Variants in FHOD3 observed in about 807,000 individuals in gnomAD.
FHOD3 encodes the protein FH1/FH2 domain-containing protein 3.
In FHOD3, 90 loss-of-function variants were observed where a neutral mutation model predicts 173.0. The ratio of observed to expected loss-of-function variants is 0.52; its 90% CI spans 0.44 to 0.62. The LOEUF (loss-of-function observed/expected upper bound fraction) is 0.62, where lower values mean the gene tolerates loss of function less well. Among genes scored for constraint, FHOD3 ranks in the 20% least tolerant of loss-of-function variants. The pLI is 0.00. For synonymous variants in FHOD3, 828 were observed against 823.0 expected (o/e 1.01, Z -0.10); for missense variants, 1,945 against 2,034.7 (o/e 0.96, Z 0.85).
chr18:36,690,787 T>G (rs972027068), intron 16 of FHOD3, among the ~76,000 whole-genome samples: 7 of 152,206 alleles, frequency 4.6e-5, no homozygotes, highest in African/African-American at 1.7e-4. Context: ...TTGACCATCT[T>G]AACCATTTTA....
At chr18:36,763,433 T>A (rs777803631) in intron 27 of FHOD3, among the ~76,000 whole-genome samples, 6 of 148,078 alleles carry the variant, frequency 4.1e-5, no homozygotes, top group Non-Finnish European at 7.4e-5. Flanking sequence ...ATGCGTATTA[T>A]ACACGTTATA....
chr18:36,628,061 T>C (rs539924272), intron 10 of FHOD3, among the ~76,000 whole-genome samples: 5 of 152,286 alleles, frequency 3.3e-5, no homozygotes, highest in Admixed American at 2.6e-4. Flanking sequence ...TGCCAACTTT[T>C]GTAAAGAAGG....
intron 13 of FHOD3, among the ~76,000 whole-genome samples, chr18:36,654,617 T>C (rs2036286583): frequency 6.6e-6 from 1 of 152,194 alleles, no homozygotes; most frequent in African/African-American, 2.4e-5. Context: ...AGCGAGCTCA[T>C]ACGCATCCCT....
chr18:36,450,589 C>A (rs546976606), intron 3 of FHOD3, among the ~76,000 whole-genome samples: 3 of 151,604 alleles, frequency 2.0e-5, no homozygotes, highest in Non-Finnish European at 2.9e-5. Context: ...GCCAGGAGTT[C>A]GAGACCAGCC....
At chr18:36,708,985 C>T in intron 17 of FHOD3, 110 bp from the exon 18 acceptor site, 1 of 1,347,272 alleles carries the variant, frequency 7.4e-7, no homozygotes, top group African/African-American at 1.5e-5. Flanking sequence ...TGGGGGCCAT[C>T]TTTGGACATC....
chr18:36,428,040 C>T (rs2050343305), intron 3 of FHOD3, among the ~76,000 whole-genome samples: 1 of 152,092 alleles, frequency 6.6e-6, no homozygotes, highest in South Asian at 2.1e-4. Flanking sequence ...CCTGACTTTC[C>T]ACATTCTAGG....
chr18:36,565,633 A>AC (rs1179713880), intron 5 of FHOD3, among the ~76,000 whole-genome samples: 8 of 151,364 alleles, frequency 5.3e-5, no homozygotes, highest in Admixed American at 4.6e-4. Flanking sequence ...CCATTCATTT[A>AC]TTTTTTTTTC....
intron 24 of FHOD3, among the ~76,000 whole-genome samples, chr18:36,751,685 A>C (rs751698672): frequency 1.3e-5 from 2 of 152,160 alleles, no homozygotes; most frequent in Non-Finnish European, 2.9e-5. Flanking sequence ...TTTAACATGA[A>C]GGGTGTTGAA....
chr18:36,491,987 G>T (rs577497334), intron 3 of FHOD3, among the ~76,000 whole-genome samples: 9 of 152,060 alleles, frequency 5.9e-5, no homozygotes, highest in Non-Finnish European at 1.2e-4. Flanking sequence ...GGTAGAGTAG[G>T]GCTATGTATT....
intron 13 of FHOD3, among the ~76,000 whole-genome samples, chr18:36,654,904 A>G (rs570460352): frequency 6.6e-6 from 1 of 152,336 alleles, no homozygotes; most frequent in Admixed American, 6.5e-5. Flanking sequence ...GCTGGAAAGG[A>G]CTGGGAGACC....
chr18:36,473,157 G>A (rs930635084), intron 3 of FHOD3, among the ~76,000 whole-genome samples: 17 of 152,208 alleles, frequency 1.1e-4, no homozygotes, highest in Admixed American at 3.9e-4. Context: ...CCACCTGTCC[G>A]TAATCCCAGC....
intron 3 of FHOD3, among the ~76,000 whole-genome samples, chr18:36,469,885 T>G (rs1381239983): frequency 6.6e-6 from 1 of 152,214 alleles, no homozygotes; most frequent in Non-Finnish European, 1.5e-5. Flanking sequence ...AGCATTATTA[T>G]TTCCACAAAT....
At chr18:36,492,868 G>A (rs1240630631) in intron 3 of FHOD3, among the ~76,000 whole-genome samples, 2 of 152,186 alleles carry the variant, frequency 1.3e-5, no homozygotes, top group South Asian at 2.1e-4. Context: ...GAATTTACAC[G>A]GTGGCATAAA....
chr18:36,475,712 G>A (rs370673624), intron 3 of FHOD3, among the ~76,000 whole-genome samples: 1 of 150,302 alleles, frequency 6.7e-6, no homozygotes, highest in East Asian at 2.0e-4. Context: ...ATCTATAGAG[G>A]TGGGATTACA....
intron 3 of FHOD3, among the ~76,000 whole-genome samples, chr18:36,379,333 C>T (rs1033808056): frequency 6.6e-6 from 1 of 152,192 alleles, no homozygotes; most frequent in African/African-American, 2.4e-5. Context: ...CTCAGGGTCT[C>T]TTACGACAGC....
At chr18:36,689,059 C>T (rs1181623191) in intron 16 of FHOD3, among the ~76,000 whole-genome samples, 1 of 152,164 alleles carries the variant, frequency 6.6e-6, no homozygotes, top group East Asian at 1.9e-4. Flanking sequence ...TCTAGGGAAG[C>T]AGGCACGCAT....
At chr18:36,406,736 G>T (rs1376911174) in intron 3 of FHOD3, among the ~76,000 whole-genome samples, 1 of 152,186 alleles carries the variant, frequency 6.6e-6, no homozygotes, top group Non-Finnish European at 1.5e-5. Flanking sequence ...GGCAGCTTGA[G>T]TCAGAACAGT....
chr18:36,437,682 T>TTTTTTTTTTTTTTTTA lies in FHOD3; in HGVS notation c.338-64250_338-64249insTTTTTTTTTTTTTTTA, dbSNP rs71168224. Among the ~76,000 whole-genome samples the TTTTTTTTTTTTTTTTA allele has an allele frequency of 5.8e-4, 75 of 129,642 alleles. 2 individuals carry two copies. Among genetic ancestry groups the TTTTTTTTTTTTTTTTA allele is most frequent in the Non-Finnish European group, 9.7e-4 (59 of 60,610 alleles). The allele number at this position is 129,642 out of a possible 152,430, so 85.1% of individuals were successfully genotyped here. A position where few individuals can be genotyped will look rare whatever the true frequency, so the allele number is the denominator to read the frequency against. On this transcript the variant is annotated intron_variant, in intron 3 of 28. Transcript: ENST00000590592. ...CTTTCTTTCTTTTTTTTTTTTTTTT[T>TTTTTTTTTTTTTTTTA]AAGACAGAGTCTTGCTCTGTCGCCA...
chr18:36,750,429 A>G (rs1273743979), intron 24 of FHOD3, among the ~76,000 whole-genome samples: 1 of 152,142 alleles, frequency 6.6e-6, no homozygotes, highest in Non-Finnish European at 1.5e-5. Flanking sequence ...CGCCCACTCT[A>G]TAGGTTATCT....
Sources: gnomAD v4.1 joint callset for allele counts (sites outside exome capture counted in the v4.1 genomes callset) on GRCh38, gnomAD v4.1.1 for gene constraint, MANE v1.5 for transcripts, NCBI Gene and HGNC (gene_info 2026-07-23, HGNC 2026-07-21) for gene names.